RMND1: variants seen among roughly 807,000 people sequenced by gnomAD.
The protein encoded by RMND1 is required for meiotic nuclear division 1 homolog, also known as required for meiotic nuclear division protein 1 homolog.
Under a neutral mutation model 54.0 loss-of-function variants are expected in RMND1, and 41 were observed. That is an observed-to-expected ratio of 0.76 (90% CI 0.59 to 0.98). The LOEUF is 0.98. Among genes scored for constraint, RMND1 ranks in the 50% least tolerant of loss-of-function variants. The probability of loss-of-function intolerance (pLI) is 0.00; values close to 1 mark genes in which losing one functional copy is unlikely to be tolerated. For synonymous variants in RMND1, 183 were observed against 181.7 expected (o/e 1.01, Z -0.06); for missense variants, 457 against 532.0 (o/e 0.86, Z 1.39).
At chr6:151,422,427 G>A in intron 8 of RMND1, 114 bp downstream of exon 8, 2 of 516,996 alleles carry the variant, frequency 3.9e-6, no homozygotes, top group Admixed American at 4.0e-5. Context: ...GTGGGGTCTT[G>A]GAACAAATCT....
chr6:151,439,262 T>G (rs1307611485), intron 2 of RMND1, among the ~76,000 whole-genome samples: 1 of 152,244 alleles, frequency 6.6e-6, no homozygotes, highest in African/African-American at 2.4e-5. Flanking sequence ...ATTGATGGAA[T>G]AGTTCCATTT....
At chr6:151,416,363 T>C (rs1780006447) in intron 10 of RMND1, among the ~76,000 whole-genome samples, 1 of 151,276 alleles carries the variant, frequency 6.6e-6, no homozygotes, top group African/African-American at 2.4e-5. Flanking sequence ...ATTGTACTAA[T>C]GTCAATTTTC....
At chr6:151,449,667 CCCCTCTCCCCACGGTCT>C (rs1297254665) in intron 1 of RMND1, among the ~76,000 whole-genome samples, 11 of 151,516 alleles carry the variant, frequency 7.3e-5, no homozygotes, top group East Asian at 5.8e-4. Context: ...CCCCACGGTC[CCCCTCTCCCCACGGTCT>C]CCCTCTGATG....
At chr6:151,440,385 G>A (rs903129248) in intron 2 of RMND1, among the ~76,000 whole-genome samples, 2 of 152,212 alleles carry the variant, frequency 1.3e-5, no homozygotes, top group Admixed American at 1.3e-4. Context: ...TGAATATTCC[G>A]ACACTAACGG....
intron 1 of RMND1, among the ~76,000 whole-genome samples, chr6:151,449,931 G>A (rs915278751): frequency 1.8e-4 from 28 of 152,334 alleles, no homozygotes; most frequent in African/African-American, 5.8e-4. Context: ...GTTTGCAGAC[G>A]GAGTCTGGTT....
intron 6 of RMND1, among the ~76,000 whole-genome samples, chr6:151,423,888 C>T (rs1433861400): frequency 6.6e-6 from 1 of 151,144 alleles, no homozygotes. Context: ...CACTCTGCCG[C>T]CCAGGCTAGA....
chr6:151,406,862 T>C (rs1017817760), intron 10 of RMND1, among the ~76,000 whole-genome samples: 1 of 152,084 alleles, frequency 6.6e-6, no homozygotes, highest in African/African-American at 2.4e-5. Context: ...GCACATAGCA[T>C]TAAACTGCCT....
chr6:151,433,622 C>T (rs1425396281), intron 3 of RMND1, among the ~76,000 whole-genome samples: 2 of 152,100 alleles, frequency 1.3e-5, no homozygotes, highest in African/African-American at 4.8e-5. Context: ...TTAATATATT[C>T]TCTTCCTATA....
rs1048103397 is a variant in RMND1 at position 151,445,738 on chromosome 6, ATT to A, written c.72_73del (p.Arg24SerfsTer10). On this transcript the variant is annotated frameshift_variant, in exon 2 of 12. Transcript: ENST00000444024. LOFTEE classifies it high-confidence loss of function. ...AAGTGGTTTTAACATTAGATGACCG[ATT>A]CTTCGGCACTGATGTGCTTTTGATA... The A allele has an allele frequency of 6.2e-7, 1 of 1,613,866 alleles. No individual in the cohort carries two copies. The highest frequency in any genetic ancestry group is 1.3e-5 in the African/African-American group (1 of 74,918).
At position 151,445,455 on chromosome 6, in the gene RMND1, A is replaced by G. The variant is rs769830298; in HGVS notation, c.357T>C (p.Phe119=). The G allele has an allele frequency of 3.1e-6, 5 of 1,614,092 alleles. No homozygotes were observed. The highest frequency in any genetic ancestry group is 3.4e-6 in the Non-Finnish European group (4 of 1,180,038). Residue 119 remains phenylalanine (F), a synonymous_variant, in exon 2 of 12, where the codon TTT becomes TTC. Coordinates refer to ENST00000444024, the MANE Select transcript of RMND1 (RefSeq NM_017909.4). ...HKPNLLGSKW[F]IKILKRHFSS... is the part of the protein sequence containing the mutation. ...AGAAATGCCTCTTTAATATTTTTAT[A>G]AACCATTTAGAACCCAACAGATTTG...
chr6:151,433,542 G>C (rs1190474408), intron 3 of RMND1, among the ~76,000 whole-genome samples: 1 of 151,952 alleles, frequency 6.6e-6, no homozygotes, highest in African/African-American at 2.4e-5. Context: ...TAAAGTCTTA[G>C]GTTCCATACA....
intron 3 of RMND1, among the ~76,000 whole-genome samples, chr6:151,435,087 G>T (rs1582961682): frequency 6.6e-6 from 1 of 151,862 alleles, no homozygotes; most frequent in Admixed American, 6.6e-5. Flanking sequence ...GACCTCAGGT[G>T]ATCTGCCTGT....
chr6:151,447,347 T>G (rs1002002339), intron 1 of RMND1, among the ~76,000 whole-genome samples: 1 of 152,104 alleles, frequency 6.6e-6, no homozygotes, highest in Non-Finnish European at 1.5e-5. Flanking sequence ...GGTGATGATA[T>G]GTAGGAGGAA....
chr6:151,424,727 GTA>G (rs1160837142), intron 6 of RMND1, among the ~76,000 whole-genome samples: 2 of 151,976 alleles, frequency 1.3e-5, no homozygotes, highest in Non-Finnish European at 2.9e-5. Context: ...TGAAAAATGA[GTA>G]TGTGACTGTG....
intron 3 of RMND1, among the ~76,000 whole-genome samples, chr6:151,433,812 A>G (rs1780513623): frequency 6.6e-6 from 1 of 151,104 alleles, no homozygotes; most frequent in Non-Finnish European, 1.5e-5. Context: ...ACCTGCAACT[A>G]TTTAAAAAAA....
intron 1 of RMND1, 79 bp from the exon 2 acceptor site, chr6:151,445,904 A>G (rs1162425400): frequency 7.7e-7 from 1 of 1,299,490 alleles, no homozygotes; most frequent in African/African-American, 1.5e-5. Context: ...GGTAGCAGGC[A>G]TATTTCTGTT....
intron 1 of RMND1, among the ~76,000 whole-genome samples, chr6:151,447,714 C>A (rs889180644): frequency 2.6e-5 from 4 of 152,076 alleles, no homozygotes; most frequent in Non-Finnish European, 4.4e-5. Flanking sequence ...TAGTACTATG[C>A]CATGCCAGTT....
intron 2 of RMND1, among the ~76,000 whole-genome samples, chr6:151,437,213 A>AGTTTG (rs1175701347): frequency 9.2e-5 from 14 of 152,194 alleles, no homozygotes; most frequent in Admixed American, 7.9e-4. Flanking sequence ...TGTAAGTCAC[A>AGTTTG]ACACATTAGT....
At chr6:151,438,819 A>AC (rs1282933736) in intron 2 of RMND1, among the ~76,000 whole-genome samples, 155 of 150,920 alleles carry the variant, frequency 1.0e-3, no homozygotes, top group African/African-American at 3.4e-3. Context: ...TCCAAAAAAA[A>AC]CCCAAAAACC....
Sources: allele counts gnomAD v4.1 joint callset (sites outside exome capture counted in the v4.1 genomes callset), GRCh38; gene constraint gnomAD v4.1.1; transcripts MANE v1.5; gene names NCBI Gene and HGNC (gene_info 2026-07-23, HGNC 2026-07-21).